The following SETMAR variants were observed in gnomAD, a reference collection of about 807,000 sequenced individuals.
SETMAR encodes the protein SET and mariner transposase domain methyltransferase.
SETMAR carries 44 observed loss-of-function variants against 58.4 expected under a neutral mutation model. The observed-to-expected ratio is 0.75, with a 90% CI of 0.59 to 0.97. The LOEUF (loss-of-function observed/expected upper bound fraction) is 0.97, where lower values mean the gene tolerates loss of function less well. Ranked by LOEUF, SETMAR falls within the 50% of genes least tolerant of loss-of-function variation. SETMAR has a pLI of 0.00. For synonymous variants in SETMAR, 332 were observed against 307.4 expected (o/e 1.08, Z -0.84); for missense variants, 903 against 840.2 (o/e 1.07, Z -0.92).
intron 1 of SETMAR, 197 bp downstream of exon 1, chr3:4,303,723 G>A (rs985220861): frequency 1.3e-6 from 2 of 1,502,860 alleles, no homozygotes; most frequent in Admixed American, 4.1e-5. Context: ...CCTTAGCAAG[G>A]GTGTTGTCCT....
At position 4,313,619 on chromosome 3, in the gene SETMAR, C is replaced by T. The variant is rs1462577109; in HGVS notation, c.878C>T (p.Ser293Leu). 1.3e-5 allele frequency: 21 copies of T among 1,613,960 alleles called. No homozygotes were observed. Among genetic ancestry groups the T allele is most frequent in the Non-Finnish European group, 1.7e-5 (20 of 1,179,976 alleles). The change falls in exon 2 of 3, where the codon TCA becomes TTA. Residue 293 changes from serine (S) to leucine (L), a missense_variant. By Grantham distance (145) the Ser-to-Leu change is moderately radical. Coordinates refer to ENST00000358065, the MANE Select transcript of SETMAR (RefSeq NM_006515.4). Reference protein sequence around the residue: ...LRKPCYCGAKSCTAFLPFDSS... With the variant: ...LRKPCYCGAKLCTAFLPFDSS... ...AAACCTTGTTACTGTGGTGCCAAAT[C>T]ATGTACTGCTTTCCTGCCTTTTGAC...
intron 1 of SETMAR, chr3:4,303,957 C>T (rs773977703): frequency 2.1e-6 from 2 of 931,176 alleles, no homozygotes; most frequent in Non-Finnish European, 2.8e-6. Context: ...TGTGGTCTCC[C>T]TCACGCTGTG....
intron 1 of SETMAR, among the ~76,000 whole-genome samples, chr3:4,309,175 CCT>C (rs1698308252): frequency 6.6e-6 from 1 of 152,086 alleles, no homozygotes; most frequent in African/African-American, 2.4e-5. Flanking sequence ...GCAGGTGAAG[CCT>C]CCAGGTAGCA....
At chr3:4,311,910 T>C (rs1002142140) in intron 1 of SETMAR, among the ~76,000 whole-genome samples, 9 of 152,202 alleles carry the variant, frequency 5.9e-5, no homozygotes, top group African/African-American at 2.2e-4. Context: ...CTGAAATCAG[T>C]TTGAAAATAT....
chr3:4,303,400 G>A lies in SETMAR; in HGVS notation c.30G>A (p.Arg10=), dbSNP rs1470686320. MFAEAAKTT[R]PCGMAEFKEK... ...TCGCGGAAGCGGCAAAGACGACACG[G>A]CCTTGTGGGATGGCGGAGTTTAAGG... The change falls in exon 1 of 3, where the codon CGG becomes CGA. Residue 10 remains arginine, a synonymous_variant. Transcript: ENST00000358065. The A allele has an allele frequency of 1.9e-6, 3 of 1,558,962 alleles. No individual in the cohort carries two copies. The highest frequency in any genetic ancestry group is 2.4e-5 in the South Asian group (2 of 83,050).
chr3:4,305,938 G>A (rs1044616912), intron 1 of SETMAR, among the ~76,000 whole-genome samples: 2 of 152,196 alleles, frequency 1.3e-5, no homozygotes, highest in African/African-American at 2.4e-5. Context: ...GAAAACTTAG[G>A]ACTAAGCATT....
Position 4,303,497 on chromosome 3 carries a change from C to A in SETMAR, c.127C>A (p.Pro43Thr). The change falls in exon 1 of 3, where the codon CCC becomes ACC. Residue 43 changes from proline (P) to threonine (T), a missense_variant. Coordinates refer to ENST00000358065, the MANE Select transcript of SETMAR (RefSeq NM_006515.4). ...GQENLPVGAW[P>T]PGAAPAPFQY... ...GGAAAACTTGCCGGTGGGCGCGTGG[C>A]CCCCGGGGGCCGCGCCGGCGCCCTT... The A allele has an allele frequency of 6.8e-7, 1 of 1,462,202 alleles. No individual in the cohort carries two copies. The highest frequency in any genetic ancestry group is 9.0e-7 in the Non-Finnish European group (1 of 1,113,266). 90.6% of individuals were successfully genotyped at this position (1,462,202 alleles called of 1,614,324 possible).
intron 1 of SETMAR, among the ~76,000 whole-genome samples, chr3:4,312,100 T>A (rs2125094689): frequency 6.6e-6 from 1 of 152,344 alleles, no homozygotes; most frequent in East Asian, 1.9e-4. Context: ...TTTACAAGTG[T>A]ATATCTTTAA....
chr3:4,313,994 T>G, intron 2 of SETMAR: 1 of 732,004 alleles, frequency 1.4e-6, no homozygotes. Context: ...ACTGTTCTAG[T>G]TAATAGGATA....
chr3:4,312,445 T>C (rs1032965521), intron 1 of SETMAR, among the ~76,000 whole-genome samples: 15 of 152,070 alleles, frequency 9.9e-5, no homozygotes, highest in Admixed American at 9.8e-4. Flanking sequence ...TAATAATACA[T>C]ATATATGTCC....
At position 4,313,465 on chromosome 3, in the gene SETMAR, C is replaced by A; in HGVS notation, c.724C>A (p.Pro242Thr). Reference sequence around the variant, plus strand: ...TCCTGTCCGAATTGACTCAATGGTACCTAAGTTGGCACTTTTTGCAGCCAA... The same window carrying A: ...TCCTGTCCGAATTGACTCAATGGTAACTAAGTTGGCACTTTTTGCAGCCAA... The part of the protein sequence containing the change: ...MIPVRIDSMV[P>T]KLALFAAKDI... The change falls in exon 2 of 3, where the codon CCT (proline) becomes ACT (threonine). Residue 242 changes from proline to threonine, a missense_variant. By Grantham distance (38) the Pro-to-Thr change is conservative. Transcript: ENST00000358065. 6.2e-7 allele frequency: 1 copy of A among 1,613,900 alleles called. No individual in the cohort carries two copies. Among genetic ancestry groups the A allele is most frequent in the Non-Finnish European group, 8.5e-7 (1 of 1,179,974 alleles).
chr3:4,317,047 T>C lies in SETMAR; in HGVS notation c.1856T>C (p.Leu619Pro), dbSNP rs1325591980. Residue 619 changes from leucine to proline, a missense_variant, in exon 3 of 3, where the codon CTC becomes CCC. Coordinates refer to ENST00000358065, the MANE Select transcript of SETMAR (RefSeq NM_006515.4). ...CCTCATCCACCGTATTCACCTGACC[T>C]CTTGCCAACCAACTACCACGTCTTT... Reference protein sequence around the residue: ...VLPHPPYSPDLLPTNYHVFKH... With the variant: ...VLPHPPYSPDPLPTNYHVFKH... The C allele has an allele frequency of 2.6e-6, 4 of 1,549,338 alleles. No individual in the cohort carries two copies. The highest frequency in any genetic ancestry group is 1.4e-5 in the African/African-American group (1 of 73,054).
intron 2 of SETMAR, chr3:4,314,426 T>G (rs1698553562): frequency 6.6e-6 from 1 of 152,500 alleles, no homozygotes; most frequent in Non-Finnish European, 1.5e-5. Context: ...CTTAATTGTT[T>G]CTAAGCATGG....
At chr3:4,314,493 A>T (rs1185230918) in intron 2 of SETMAR, 1 of 152,222 alleles carries the variant, frequency 6.6e-6, no homozygotes, top group Non-Finnish European at 1.5e-5. Context: ...AAGTACTACC[A>T]GTAGTGAAAA....
intron 1 of SETMAR, among the ~76,000 whole-genome samples, chr3:4,311,307 C>T (rs891527338): frequency 6.6e-6 from 1 of 152,152 alleles, no homozygotes; most frequent in African/African-American, 2.4e-5. Context: ...TAAAGCCTGG[C>T]CTGGAGACAA....
At chr3:4,310,376 C>A (rs1423670137) in intron 1 of SETMAR, among the ~76,000 whole-genome samples, 1 of 152,128 alleles carries the variant, frequency 6.6e-6, no homozygotes, top group Non-Finnish European at 1.5e-5. Flanking sequence ...TGAGTGTAGT[C>A]ATTTTTTAAG....
Position 4,316,593 on chromosome 3 carries a change from C to G in SETMAR, c.1402C>G (p.Gln468Glu). ...KWVPHELTEN[Q>E]KNRRFEVSSS... ...GGTGCCTCATGAGCTGACTGAAAAT[C>G]AAAAAAATCGTCGTTTTGAAGTGTC... is the stretch of plus-strand genomic sequence containing the variant. The change falls in exon 3 of 3, where the codon CAA becomes GAA. Residue 468 changes from glutamine to glutamate, a missense_variant. Coordinates refer to ENST00000358065, the MANE Select transcript of SETMAR (RefSeq NM_006515.4). The G allele has an allele frequency of 1.3e-6, 2 of 1,551,328 alleles. No individual in the cohort carries two copies. Among genetic ancestry groups the G allele is most frequent in the Non-Finnish European group, 1.7e-6 (2 of 1,146,834 alleles).
Position 4,316,385 on chromosome 3 carries a change from G to C in SETMAR, c.1194G>C (p.Glu398Asp), listed in dbSNP as rs760141551. The C allele has an allele frequency of 1.3e-6, 2 of 1,559,340 alleles. No individual in the cohort carries two copies. The highest frequency in any genetic ancestry group is 2.4e-5 in the South Asian group (2 of 84,730). Residue 398 changes from glutamate to aspartate, a missense_variant, in exon 3 of 3, where the codon GAG becomes GAC. Physicochemically the swap from Glu to Asp is conservative, Grantham distance 45. Coordinates refer to ENST00000358065, the MANE Select transcript of SETMAR (RefSeq NM_006515.4). ...WWFKKFCKGD[E>D]SLEDEERSGR... is the part of the protein sequence containing the mutation. ...TCAAGAAGTTTTGCAAAGGAGATGA[G>C]AGCCTTGAAGATGAGGAGCGTAGTG...
In SETMAR at chr3:4,313,044, C is replaced by T. The variant is rs765991701; in HGVS notation, c.303C>T (p.Cys101=). 22 of 1,613,664 alleles carry T rather than the reference C, an allele frequency of 1.4e-5. No individual in the cohort carries two copies. The highest frequency in any genetic ancestry group is 1.9e-5 in the Non-Finnish European group (22 of 1,179,852). The change falls in exon 2 of 3, where the codon TGC becomes TGT. Residue 101 remains cysteine, a synonymous_variant. Transcript: ENST00000358065. ...RHGENYDDNS[C]LRDIGSGGKY... ...GAGAGAACTATGATGATAACTCATG[C>T]CTTAGAGATATAGGATCTGGAGGAA...
Sources: gnomAD v4.1 joint callset for allele counts (sites outside exome capture counted in the v4.1 genomes callset) on GRCh38, gnomAD v4.1.1 for gene constraint, MANE v1.5 for transcripts, NCBI Gene and HGNC (gene_info 2026-07-23, HGNC 2026-07-21) for gene names.